ABLIM1: variants seen among roughly 807,000 people sequenced by gnomAD.
ABLIM1 encodes the protein actin-binding LIM protein 1.
ABLIM1 carries 40 observed loss-of-function variants against 107.0 expected under a neutral mutation model. The ratio of observed to expected loss-of-function variants is 0.37; its 90% CI spans 0.29 to 0.49. The LOEUF is 0.49. Ranked by LOEUF, ABLIM1 falls within the 20% of genes least tolerant of loss-of-function variation. ABLIM1 has a pLI of 0.97. For synonymous variants in ABLIM1, 357 were observed against 357.3 expected (o/e 1.00, Z 0.01); for missense variants, 857 against 1,008.5 (o/e 0.85, Z 2.04).
At chr10:114,756,001 C>A (rs1024030393) in intron 1 of ABLIM1, among the ~76,000 whole-genome samples, 14 of 151,926 alleles carry the variant, frequency 9.2e-5, no homozygotes, top group Non-Finnish European at 4.4e-5. Flanking sequence ...ACTTATTATA[C>A]TTAATTATTT....
intron 1 of ABLIM1, chr10:114,632,234 C>G: frequency 1.2e-5 from 12 of 985,424 alleles, no homozygotes; most frequent in Non-Finnish European, 1.4e-5. Context: ...CAAAATTCTA[C>G]TGTCCTAATC....
intron 1 of ABLIM1, among the ~76,000 whole-genome samples, chr10:114,760,500 C>G (rs964827352): frequency 6.6e-6 from 1 of 151,018 alleles, no homozygotes. Context: ...ATTGATTTTA[C>G]TACAAATTCA....
intron 6 of ABLIM1, among the ~76,000 whole-genome samples, chr10:114,508,976 A>C (rs192253426): frequency 1.5e-4 from 23 of 152,362 alleles, no homozygotes; most frequent in Non-Finnish European, 2.8e-4. Flanking sequence ...CTCACAACAG[A>C]TCATGAGATA....
At chr10:114,751,856 C>G (rs2082520999) in intron 1 of ABLIM1, among the ~76,000 whole-genome samples, 1 of 151,948 alleles carries the variant, frequency 6.6e-6, no homozygotes, top group African/African-American at 2.4e-5. Flanking sequence ...CACTAACAAA[C>G]TTTTCATTTC....
At chr10:114,692,398 G>A (rs144811887) in intron 1 of ABLIM1, among the ~76,000 whole-genome samples, 160 of 152,342 alleles carry the variant, frequency 1.1e-3, no homozygotes, top group African/African-American at 3.5e-3. Flanking sequence ...AGCAAAGGAA[G>A]ATAGGCTAGT....
At chr10:114,578,249 G>A (rs946304387) in intron 2 of ABLIM1, among the ~76,000 whole-genome samples, 2 of 152,194 alleles carry the variant, frequency 1.3e-5, no homozygotes, top group African/African-American at 4.8e-5. Context: ...AGACCGCCAT[G>A]CCTCTCTCAA....
chr10:114,544,972 C>A, intron 6 of ABLIM1, 33 bp downstream of exon 6: 19 of 1,593,716 alleles, frequency 1.2e-5, no homozygotes, highest in Non-Finnish European at 1.5e-5. Flanking sequence ...AGAAAGATGG[C>A]GGTAGCTATG....
At chr10:114,548,943 C>T (rs1020421970) in intron 4 of ABLIM1, among the ~76,000 whole-genome samples, 1 of 152,218 alleles carries the variant, frequency 6.6e-6, no homozygotes, top group African/African-American at 2.4e-5. Context: ...TCCGTGACTG[C>T]CACTGCTTTT....
At chr10:114,635,359 A>G (rs999807415) in intron 1 of ABLIM1, among the ~76,000 whole-genome samples, 2 of 152,260 alleles carry the variant, frequency 1.3e-5, no homozygotes, top group Non-Finnish European at 2.9e-5. Flanking sequence ...TGTTACAGCT[A>G]GAAACAAGCA....
chr10:114,601,413 C>T (rs2075986399), intron 2 of ABLIM1, among the ~76,000 whole-genome samples: 1 of 151,862 alleles, frequency 6.6e-6, no homozygotes. Flanking sequence ...TTACAGACGC[C>T]CACCACTGCA....
At chr10:114,517,933 A>G (rs1211039073) in intron 6 of ABLIM1, among the ~76,000 whole-genome samples, 1 of 151,782 alleles carries the variant, frequency 6.6e-6, no homozygotes, top group Non-Finnish European at 1.5e-5. Flanking sequence ...CGAACAAGAC[A>G]TCATCTGTGT....
upstream of ABLIM1, among the ~76,000 whole-genome samples, chr10:114,689,325 T>C (rs1478119058): frequency 6.6e-6 from 1 of 151,860 alleles, no homozygotes; most frequent in Non-Finnish European, 1.5e-5. Context: ...TAAATGAAGA[T>C]GACAGAGTTC....
intron 1 of ABLIM1, among the ~76,000 whole-genome samples, chr10:114,682,005 C>T (rs1325305221): frequency 5.9e-5 from 9 of 152,162 alleles, no homozygotes; most frequent in African/African-American, 1.7e-4. Context: ...TAGTGCTAAT[C>T]GGCACGATGC....
At chr10:114,727,594 A>G (rs901557211) in intron 1 of ABLIM1, among the ~76,000 whole-genome samples, 7 of 152,368 alleles carry the variant, frequency 4.6e-5, no homozygotes, top group African/African-American at 1.7e-4. Flanking sequence ...AGCAAGAAAG[A>G]ATTTCTTAAA....
chr10:114,684,563 C>T (rs2080883133), exon 1 of ABLIM1: 3 of 1,359,430 alleles, frequency 2.2e-6, no homozygotes, highest in Non-Finnish European at 1.9e-6. Flanking sequence ...CTGGCTCCTT[C>T]CTCATGTACA....
intron 1 of ABLIM1, among the ~76,000 whole-genome samples, chr10:114,711,880 ACCAACTGGGC>A (rs934304946): frequency 3.3e-5 from 5 of 152,070 alleles, no homozygotes; most frequent in African/African-American, 1.2e-4. Context: ...TGCCCCCCGC[ACCAACTGGGC>A]CCAACTTGAA....
At chr10:114,695,486 T>C (rs1336433407) in intron 1 of ABLIM1, among the ~76,000 whole-genome samples, 2 of 152,070 alleles carry the variant, frequency 1.3e-5, no homozygotes, top group Non-Finnish European at 2.9e-5. Flanking sequence ...TTGAAATCCA[T>C]TCTCTTTCTA....
At chr10:114,692,751 G>C (rs1259902892) in intron 1 of ABLIM1, among the ~76,000 whole-genome samples, 2 of 152,118 alleles carry the variant, frequency 1.3e-5, no homozygotes, top group Non-Finnish European at 2.9e-5. Context: ...TTAGCCGGGC[G>C]TGGTGGCGGG....
rs1429267889 is a variant in ABLIM1, at chr10:114,707,156, CAT to C, written c.-213+60903_-213+60904del. Among the ~76,000 whole-genome samples the C allele has an allele frequency of 1.3e-5, 2 of 152,162 alleles. No individual in the cohort carries two copies. The highest frequency in any genetic ancestry group is 2.1e-4 in the South Asian group (1 of 4,826). ...TCATTTCAAACGTGGTCAATGACCA[CAT>C]GTGATGAGTGACTACCATACATACA... On this transcript the variant is annotated intron_variant, in intron 1 of 15. Coordinates refer to the ABLIM1 transcript ENST00000651092. This position sits in a 1 kb window ranked among gnomAD's most constrained non-coding sequence, Gnocchi z 4.1.
Sources: allele counts gnomAD v4.1 joint callset (sites outside exome capture counted in the v4.1 genomes callset), GRCh38; gene constraint gnomAD v4.1.1; non-coding constraint Gnocchi (gnomAD v3.1); transcripts MANE v1.5; gene names NCBI Gene and HGNC (gene_info 2026-07-23, HGNC 2026-07-21).